CNTNAP2: variants seen among roughly 807,000 people sequenced by gnomAD.
CNTNAP2 encodes the protein contactin-associated protein-like 2.
CNTNAP2 carries 98 observed loss-of-function variants against 155.2 expected under a neutral mutation model. The ratio of observed to expected loss-of-function variants is 0.63; its 90% confidence interval spans 0.54 to 0.75. CNTNAP2 has a LOEUF of 0.75. Among genes scored for constraint, CNTNAP2 ranks in the 30% least tolerant of loss-of-function variants. The pLI is 0.00. For missense variants in CNTNAP2, 1,727 were observed against 1,688.1 expected, an observed-to-expected ratio of 1.02 and a Z score of -0.40; for synonymous variants, 651 against 631.2, an observed-to-expected ratio of 1.03 and a Z score of -0.47.
intron 3 of CNTNAP2, among the ~76,000 whole-genome samples, chr7:146,970,463 C>A (rs533213911): frequency 6.6e-6 from 1 of 152,326 alleles, no homozygotes; most frequent in Admixed American, 6.5e-5. Context: ...TGAAAAAATG[C>A]TCACCATCAC....
Position 147,934,285 on chromosome 7 carries a change from G to A in CNTNAP2, c.2255+30564G>A, listed in dbSNP as rs191834718. Among the ~76,000 whole-genome samples, 528 of 152,262 alleles carry A rather than the reference G, an allele frequency of 3.5e-3. 5 individuals are homozygous for A. Among genetic ancestry groups the A allele is most frequent in the African/African-American group, 0.012 (513 of 41,530 alleles). On this transcript the variant is annotated intron_variant, in intron 14 of 23. Transcript: ENST00000361727. ...TTAAAAAAGAAAGAGGTTTAATTGGGCTTACAGTTCCAAGTGGCTTGGGAA... is the reference window on the plus strand; with the variant it reads ...TTAAAAAAGAAAGAGGTTTAATTGGACTTACAGTTCCAAGTGGCTTGGGAA...
intron 1 of CNTNAP2, among the ~76,000 whole-genome samples, chr7:146,515,178 T>C (rs1026907090): frequency 6.6e-6 from 1 of 152,064 alleles, no homozygotes. Context: ...CCCTCTTTGA[T>C]TCTTGGTTCT....
intron 8 of CNTNAP2, among the ~76,000 whole-genome samples, chr7:147,151,483 T>C (rs1375386909): frequency 6.6e-6 from 1 of 152,128 alleles, no homozygotes; most frequent in African/African-American, 2.4e-5. Flanking sequence ...TAAACTATAA[T>C]TTTTTTCAGC....
chr7:147,978,535 C>A (rs572125182), intron 15 of CNTNAP2, among the ~76,000 whole-genome samples: 1 of 152,088 alleles, frequency 6.6e-6, no homozygotes, highest in South Asian at 2.1e-4. Flanking sequence ...AGATTAGTCA[C>A]CCCAGAGAGG....
chr7:148,367,784 A>G (rs1798812631), intron 21 of CNTNAP2, among the ~76,000 whole-genome samples: 1 of 152,178 alleles, frequency 6.6e-6, no homozygotes, highest in Admixed American at 6.6e-5. Flanking sequence ...AAAGTACGCA[A>G]CATGTCACCA....
At chr7:148,248,070 C>T (rs1396758759) in intron 20 of CNTNAP2, among the ~76,000 whole-genome samples, 2 of 152,150 alleles carry the variant, frequency 1.3e-5, no homozygotes, top group African/African-American at 4.8e-5. Flanking sequence ...CACCACCACA[C>T]TCAAAATTTG....
intron 13 of CNTNAP2, among the ~76,000 whole-genome samples, chr7:147,720,661 C>T (rs752177034): frequency 1.8e-4 from 27 of 152,074 alleles, no homozygotes; most frequent in Middle Eastern, 3.4e-3. Flanking sequence ...TCAGGAGATC[C>T]GATGGTTTTA....
At chr7:148,389,369 C>G (rs1563069424) in intron 22 of CNTNAP2, among the ~76,000 whole-genome samples, 1 of 152,104 alleles carries the variant, frequency 6.6e-6, no homozygotes, top group East Asian at 1.9e-4. Context: ...CACAAGCTCT[C>G]TCTTTGCCTG....
chr7:148,021,747 G>A (rs1211648988), intron 15 of CNTNAP2, among the ~76,000 whole-genome samples: 1 of 152,208 alleles, frequency 6.6e-6, no homozygotes, highest in Non-Finnish European at 1.5e-5. Flanking sequence ...GCAGGAACCC[G>A]GTGGCTCGCA....
intron 8 of CNTNAP2, among the ~76,000 whole-genome samples, chr7:147,192,274 C>T (rs1189522215): frequency 1.3e-5 from 2 of 152,090 alleles, no homozygotes; most frequent in Non-Finnish European, 2.9e-5. Flanking sequence ...CTGCCTTTCC[C>T]TGGTCCGTTC....
At chr7:148,343,665 A>G (rs1798272936) in intron 21 of CNTNAP2, among the ~76,000 whole-genome samples, 1 of 152,246 alleles carries the variant, frequency 6.6e-6, no homozygotes, top group Admixed American at 6.5e-5. Flanking sequence ...GAGACAAGAA[A>G]ATGTCAACTT....
At chr7:148,165,656 A>G (rs780191314) in intron 17 of CNTNAP2, among the ~76,000 whole-genome samples, 2 of 152,180 alleles carry the variant, frequency 1.3e-5, no homozygotes, top group Non-Finnish European at 2.9e-5. Flanking sequence ...TGAGGCCCAA[A>G]TAGGACCTGG....
At chr7:147,689,400 C>T (rs1339537066) in intron 13 of CNTNAP2, among the ~76,000 whole-genome samples, 2 of 152,118 alleles carry the variant, frequency 1.3e-5, no homozygotes, top group Non-Finnish European at 2.9e-5. Flanking sequence ...CCTCCCACCT[C>T]AGCCTCCCAA....
At chr7:146,215,831 G>A (rs536458914) in intron 1 of CNTNAP2, among the ~76,000 whole-genome samples, 7 of 152,196 alleles carry the variant, frequency 4.6e-5, no homozygotes, top group South Asian at 2.1e-4. Context: ...GTTCTCTGCC[G>A]TCGGCTGATA....
intron 3 of CNTNAP2, among the ~76,000 whole-genome samples, chr7:146,996,545 AT>A (rs1798311176): frequency 6.6e-6 from 1 of 151,820 alleles, no homozygotes; most frequent in East Asian, 1.9e-4. Context: ...ACTGATTTTG[AT>A]TTTTGTGTTA....
chr7:146,914,804 A>G (rs1264939466), intron 3 of CNTNAP2, among the ~76,000 whole-genome samples: 1 of 151,942 alleles, frequency 6.6e-6, no homozygotes, highest in Non-Finnish European at 1.5e-5. Context: ...TCTTTAGTTT[A>G]ATTAGGTTCC....
chr7:146,126,314 C>T (rs1797636733), intron 1 of CNTNAP2, among the ~76,000 whole-genome samples: 1 of 152,084 alleles, frequency 6.6e-6, no homozygotes, highest in South Asian at 2.1e-4. Context: ...TTACTTATTC[C>T]TTGATGACAC....
intron 1 of CNTNAP2, among the ~76,000 whole-genome samples, chr7:146,372,511 T>C (rs1795250362): frequency 6.6e-6 from 1 of 152,232 alleles, no homozygotes; most frequent in South Asian, 2.1e-4. Flanking sequence ...AATAAAAGTT[T>C]ATTGAAAAGT....
At chr7:148,235,920 C>T (rs1401863953) in intron 20 of CNTNAP2, among the ~76,000 whole-genome samples, 3 of 152,158 alleles carry the variant, frequency 2.0e-5, no homozygotes, top group Non-Finnish European at 2.9e-5. Context: ...CTCCTGACCT[C>T]GTGATCCACC....
Sources: allele counts gnomAD v4.1 joint callset (sites outside exome capture counted in the v4.1 genomes callset), GRCh38; gene constraint gnomAD v4.1.1; transcripts MANE v1.5; gene names NCBI Gene and HGNC (gene_info 2026-07-23, HGNC 2026-07-21).